USP37: variants seen among roughly 807,000 people sequenced by gnomAD.
USP37 encodes ubiquitin carboxyl-terminal hydrolase 37.
In USP37, 27 loss-of-function variants were observed where a neutral mutation model predicts 124.0. That is an observed-to-expected ratio of 0.22 (90% CI 0.16 to 0.30). The LOEUF is 0.30. Ranked by LOEUF, USP37 falls within the 10% of genes least tolerant of loss-of-function variation. The probability of loss-of-function intolerance (pLI) is 1.00; values close to 1 mark genes in which losing one functional copy is unlikely to be tolerated. For synonymous variants in USP37, 365 were observed against 388.0 expected, an observed-to-expected ratio of 0.94 and a Z score of 0.70; for missense variants, 889 against 1,140.4, an observed-to-expected ratio of 0.78 and a Z score of 3.17.
chr2:218,555,168 C>A (rs1001187115), intron 4 of USP37, among the ~76,000 whole-genome samples: 1 of 152,172 alleles, frequency 6.6e-6, no homozygotes, highest in Non-Finnish European at 1.5e-5. Flanking sequence ...ATAATTCCTG[C>A]CAGTCAGGCA....
At chr2:218,564,779 C>G (rs1027175166) in intron 1 of USP37, among the ~76,000 whole-genome samples, 10 of 152,094 alleles carry the variant, frequency 6.6e-5, no homozygotes, top group Non-Finnish European at 1.5e-4. Flanking sequence ...TAGGACCTTC[C>G]CAAACTAAAT....
intron 17 of USP37, 127 bp downstream of exon 17, chr2:218,481,943 T>G: frequency 4.4e-6 from 5 of 1,130,330 alleles, no homozygotes; most frequent in Non-Finnish European, 6.1e-6. Flanking sequence ...CATGAGCCAC[T>G]GCATCTGGCC....
intron 5 of USP37, among the ~76,000 whole-genome samples, chr2:218,552,918 AAAACAAACAAAC>A (rs140347553): frequency 6.6e-6 from 1 of 151,382 alleles, no homozygotes; most frequent in Admixed American, 6.6e-5. Flanking sequence ...ACTCCATTTC[AAAACAAACAAAC>A]AAACAAACAA....
At chr2:218,462,997 G>A (rs191023364) in intron 22 of USP37, among the ~76,000 whole-genome samples, 2 of 151,944 alleles carry the variant, frequency 1.3e-5, no homozygotes, top group East Asian at 1.9e-4. Flanking sequence ...GTGAAACCCC[G>A]TCTCTACTGA....
chr2:218,540,564 C>T lies in USP37; in HGVS notation c.680+5657G>A, dbSNP rs141895930. On this transcript the variant is annotated intron_variant, in intron 8 of 25. Coordinates refer to ENST00000258399, the MANE Select transcript of USP37 (RefSeq NM_020935.3). ...GGAGGCTGAGGCTTGACTGCTTAAG[C>T]CCAGGAGTTGGAGGCTACAGTGAGC... 2.6e-5 allele frequency among the ~76,000 whole-genome samples: 4 copies of T among 152,260 alleles called. No individual in the cohort carries two copies. In the East Asian group the frequency reaches 7.7e-4, roughly 29 times the overall value.
chr2:218,457,976 C>T (rs1559158612), intron 23 of USP37, among the ~76,000 whole-genome samples: 1 of 147,498 alleles, frequency 6.8e-6, no homozygotes, highest in Admixed American at 6.9e-5. Flanking sequence ...GGAGGTGGAG[C>T]TTGCAGTGAG....
At chr2:218,498,214 A>C in intron 11 of USP37, 57 bp from the exon 12 acceptor site, 1 of 1,506,074 alleles carries the variant, frequency 6.6e-7, no homozygotes, top group Non-Finnish European at 8.8e-7. Context: ...AAGTATGTTC[A>C]GTATAGTAGG....
intron 14 of USP37, among the ~76,000 whole-genome samples, chr2:218,492,513 G>C (rs1373602998): frequency 6.6e-6 from 1 of 152,172 alleles, no homozygotes; most frequent in Non-Finnish European, 1.5e-5. Flanking sequence ...TAAATGGATT[G>C]CTTTGGCTTA....
At chr2:218,493,480 TC>T (rs1688907039) in intron 14 of USP37, among the ~76,000 whole-genome samples, 1 of 152,078 alleles carries the variant, frequency 6.6e-6, no homozygotes, top group Non-Finnish European at 1.5e-5. Flanking sequence ...CTTCTTTCTT[TC>T]TTTTTTTGAG....
chr2:218,492,833 C>T (rs757055388), intron 14 of USP37, among the ~76,000 whole-genome samples: 10 of 151,996 alleles, frequency 6.6e-5, no homozygotes, highest in African/African-American at 1.9e-4. Flanking sequence ...AGTGAGAGCC[C>T]GTCTCTAGAA....
At position 218,451,530 on chromosome 2, in the gene USP37, C is replaced by A. The variant is rs1341427983; in HGVS notation, c.*3400G>T. The A allele has an allele frequency of 2.0e-5, 3 of 151,280 alleles. No individual in the cohort carries two copies. Among genetic ancestry groups the A allele is most frequent in the Non-Finnish European group, 4.4e-5 (3 of 67,930 alleles). The allele number at this position is 151,280 out of a possible 1,614,324, so 9.4% of individuals were successfully genotyped here. ...AGATCACAAATGAGTTTACAAACTA[C>A]TTTTTTTTCTCTTTAATTTAGGTGT... On this transcript the variant is annotated 3_prime_UTR_variant, in exon 26 of 26. Transcript: ENST00000258399.
At chr2:218,513,822 T>C (rs1258655120) in intron 10 of USP37, among the ~76,000 whole-genome samples, 1 of 152,208 alleles carries the variant, frequency 6.6e-6, no homozygotes, top group African/African-American at 2.4e-5. Flanking sequence ...AATAGTTTTA[T>C]TTTTTGAGAC....
chr2:218,550,519 A>G (rs927631304), intron 5 of USP37, among the ~76,000 whole-genome samples: 14 of 152,074 alleles, frequency 9.2e-5, no homozygotes, highest in African/African-American at 3.4e-4. Flanking sequence ...ACAATGCTTA[A>G]CATCCTTTCA....
chr2:218,455,773 C>T (rs62183667), intron 24 of USP37, 55 bp from the exon 25 acceptor site: 37,865 of 1,574,492 alleles, frequency 0.024, 594 homozygotes, highest in Non-Finnish European at 0.029. Flanking sequence ...CGAAGCTGGG[C>T]GCGATGGCTC....
chr2:218,472,501 T>C (rs1399541983), intron 20 of USP37, among the ~76,000 whole-genome samples: 1 of 151,976 alleles, frequency 6.6e-6, no homozygotes, highest in Non-Finnish European at 1.5e-5. Context: ...TTTGCTCTTG[T>C]TGCCCAGGAT....
At chr2:218,462,259 C>T (rs35059015) in intron 22 of USP37, among the ~76,000 whole-genome samples, 1,982 of 152,188 alleles carry the variant, frequency 0.013, 22 homozygotes, top group Non-Finnish European at 0.021. Context: ...CACTTGAATC[C>T]GGGAGGCAGA....
At chr2:218,484,898 T>A (rs1287195094) in intron 16 of USP37, among the ~76,000 whole-genome samples, 1 of 152,242 alleles carries the variant, frequency 6.6e-6, no homozygotes, top group Non-Finnish European at 1.5e-5. Flanking sequence ...CATAATAATT[T>A]TTTGTAACTA....
chr2:218,553,788 T>C (rs1692794781), intron 4 of USP37, 64 bp from the exon 5 acceptor site: 1 of 1,421,204 alleles, frequency 7.0e-7, no homozygotes, highest in East Asian at 2.4e-5. Flanking sequence ...ACAATCTGTA[T>C]AATAAATACT....
chr2:218,529,405 G>A (rs1050951215), intron 10 of USP37, among the ~76,000 whole-genome samples: 2 of 151,646 alleles, frequency 1.3e-5, no homozygotes, highest in Non-Finnish European at 2.9e-5. Flanking sequence ...GCTGAGGCAA[G>A]GCTGCAGTGA....
Sources: gnomAD v4.1 joint callset for allele counts (sites outside exome capture counted in the v4.1 genomes callset) on GRCh38, gnomAD v4.1.1 for gene constraint, MANE v1.5 for transcripts, NCBI Gene and HGNC (gene_info 2026-07-23, HGNC 2026-07-21) for gene names.